Variants in CLIP4 observed in about 807,000 individuals in gnomAD.
CLIP4 encodes the protein CAP-Gly domain-containing linker protein 4.
Under a neutral mutation model 73.1 loss-of-function variants are expected in CLIP4, and 47 were observed. The observed-to-expected ratio is 0.64, with a 90% CI of 0.51 to 0.82. CLIP4 has a LOEUF of 0.82. Among genes scored for constraint, CLIP4 ranks in the 40% least tolerant of loss-of-function variants. CLIP4 has a pLI of 0.00. For missense variants in CLIP4, 874 were observed against 852.9 expected (o/e 1.02, Z -0.31); for synonymous variants, 306 against 295.4 (o/e 1.04, Z -0.37).
intron 1 of CLIP4, among the ~76,000 whole-genome samples, chr2:29,099,536 C>G (rs1281615556): frequency 6.6e-6 from 1 of 152,078 alleles, no homozygotes; most frequent in Non-Finnish European, 1.5e-5. Flanking sequence ...ATTTCTGAGC[C>G]CTTTATTAGA....
At position 29,160,432 on chromosome 2, in the gene CLIP4, C is replaced by G. The variant is rs903775387; in HGVS notation, c.1499C>G (p.Thr500Ser). The change falls in exon 12 of 16, where the codon ACC (threonine) becomes AGC (serine). Residue 500 changes from threonine (T) to serine (S), a missense_variant. Transcript: ENST00000320081. Reference protein sequence around the residue: ...RVLVVGQRLGTIRFFGTTNFA... With the variant: ...RVLVVGQRLGSIRFFGTTNFA... ...TTAGTGGTAGGACAGAGACTGGGCA[C>G]CATTAGGTTCTTTGGGACAACAAAC... is the stretch of plus-strand genomic sequence containing the variant. The G allele has an allele frequency of 1.2e-6, 2 of 1,614,160 alleles. No homozygotes were observed. Among genetic ancestry groups the G allele is most frequent in the Non-Finnish European group, 8.5e-7 (1 of 1,180,012 alleles).
At chr2:29,154,215 G>A (rs796208003) in intron 9 of CLIP4, among the ~76,000 whole-genome samples, 14 of 152,182 alleles carry the variant, frequency 9.2e-5, no homozygotes, top group African/African-American at 3.4e-4. Flanking sequence ...AAGCCCAGAA[G>A]TATACGGTAA....
At chr2:29,156,785 C>T (rs962336425) in intron 10 of CLIP4, among the ~76,000 whole-genome samples, 5 of 152,088 alleles carry the variant, frequency 3.3e-5, no homozygotes, top group Non-Finnish European at 7.4e-5. Flanking sequence ...ATGAGTATTC[C>T]TTCTTGCCTT....
chr2:29,113,062 T>C (rs371665884), upstream of CLIP4, among the ~76,000 whole-genome samples: 13 of 152,200 alleles, frequency 8.5e-5, no homozygotes, highest in African/African-American at 2.9e-4. This position sits in a 1 kb window ranked among gnomAD's most constrained non-coding sequence, Gnocchi z 4.0. Context: ...TGAATCAACA[T>C]AGGCCTTCAG....
At chr2:29,154,046 T>C (rs1207639411) in intron 9 of CLIP4, among the ~76,000 whole-genome samples, 2 of 152,234 alleles carry the variant, frequency 1.3e-5, no homozygotes, top group Admixed American at 6.5e-5. Context: ...TTTTAAATTA[T>C]GAGTTTAGAA....
chr2:29,109,981 C>T (rs1038468279), intron 1 of CLIP4, among the ~76,000 whole-genome samples: 7 of 151,990 alleles, frequency 4.6e-5, no homozygotes, highest in African/African-American at 7.3e-5. Flanking sequence ...TCGCTTGAAC[C>T]GAGGAGGTGG....
At chr2:29,160,610 T>A in intron 12 of CLIP4, 143 bp downstream of exon 12, 1 of 930,700 alleles carries the variant, frequency 1.1e-6, no homozygotes, top group Non-Finnish European at 1.6e-6. Context: ...AAATGTGAAA[T>A]GATGATGAAA....
upstream of CLIP4, among the ~76,000 whole-genome samples, chr2:29,112,227 C>G (rs1451742578): frequency 6.6e-6 from 1 of 152,162 alleles, no homozygotes; most frequent in Non-Finnish European, 1.5e-5. Context: ...ATTGACTTAA[C>G]TGTTTAAAAT....
intron 11 of CLIP4, among the ~76,000 whole-genome samples, chr2:29,157,676 A>T (rs1667018611): frequency 6.6e-6 from 1 of 152,180 alleles, no homozygotes; most frequent in Admixed American, 6.5e-5. Context: ...TTTTAAAACT[A>T]TGTTTGCTTA....
chr2:29,177,533 A>G (rs1341445998), intron 15 of CLIP4, among the ~76,000 whole-genome samples: 1 of 151,886 alleles, frequency 6.6e-6, no homozygotes, highest in Non-Finnish European at 1.5e-5. Context: ...GTGAGCCTAG[A>G]TTGCTCCACT....
chr2:29,132,032 A>AT (rs1304631606), intron 3 of CLIP4, 120 bp from the exon 4 acceptor site: 2 of 698,602 alleles, frequency 2.9e-6, no homozygotes, highest in Non-Finnish European at 5.0e-6. Context: ...CATACTGTCT[A>AT]TACATTTTAC....
intron 1 of CLIP4, among the ~76,000 whole-genome samples, chr2:29,098,614 T>C (rs887217801): frequency 2.6e-5 from 4 of 152,264 alleles, no homozygotes; most frequent in East Asian, 1.9e-4. Flanking sequence ...ATTCACTTAC[T>C]GAGGAATGTC....
At chr2:29,109,254 G>A (rs945536917) in intron 1 of CLIP4, among the ~76,000 whole-genome samples, 1 of 152,092 alleles carries the variant, frequency 6.6e-6, no homozygotes, top group African/African-American at 2.4e-5. Context: ...AAAATTTGGG[G>A]GGTGGCTGGT....
At chr2:29,133,862 T>C (rs3768674) in intron 5 of CLIP4, 46 bp downstream of exon 5, 270,700 of 1,437,374 alleles carry the variant, frequency 0.19, 26,853 homozygotes, top group African/African-American at 0.33. Context: ...CTGAACACTT[T>C]AGTGGTGGCA....
intron 8 of CLIP4, among the ~76,000 whole-genome samples, chr2:29,150,272 T>C (rs553888917): frequency 1.3e-5 from 2 of 152,290 alleles, no homozygotes; most frequent in South Asian, 4.1e-4. Flanking sequence ...CATTTTATGG[T>C]CAGTGGAAGT....
At chr2:29,170,167 C>T (rs974959003) in intron 14 of CLIP4, among the ~76,000 whole-genome samples, 1 of 152,138 alleles carries the variant, frequency 6.6e-6, no homozygotes, top group Non-Finnish European at 1.5e-5. Flanking sequence ...TTGGTGGACA[C>T]TTAGGTTGAT....
intron 11 of CLIP4, 164 bp downstream of exon 11, chr2:29,157,511 C>G: frequency 9.9e-7 from 1 of 1,007,230 alleles, no homozygotes; most frequent in East Asian, 2.6e-5. Context: ...CTTAAGGTCT[C>G]TTTGTTTTGC....
intron 11 of CLIP4, 71 bp downstream of exon 11, chr2:29,157,418 C>A (rs1558563589): frequency 6.2e-7 from 1 of 1,612,312 alleles, no homozygotes; most frequent in South Asian, 1.1e-5. Flanking sequence ...TAGATTTGCT[C>A]TTTTTAAATG....
intron 8 of CLIP4, among the ~76,000 whole-genome samples, chr2:29,147,289 C>T (rs1305868310): frequency 6.6e-6 from 1 of 151,594 alleles, no homozygotes; most frequent in South Asian, 2.1e-4. Context: ...TATTATTTTC[C>T]CAGTAAAAAT....
Sources: allele counts gnomAD v4.1 joint callset (sites outside exome capture counted in the v4.1 genomes callset), GRCh38; gene constraint gnomAD v4.1.1; non-coding constraint Gnocchi (gnomAD v3.1); transcripts MANE v1.5; gene names NCBI Gene and HGNC (gene_info 2026-07-23, HGNC 2026-07-21).